Variants in IGFL4 observed in about 807,000 individuals in gnomAD.
The protein encoded by IGFL4 is IGF like family member 4.
Under a neutral mutation model 15.4 loss-of-function variants are expected in IGFL4, and 12 were observed. The observed-to-expected ratio is 0.78, with a 90% CI of 0.50 to 1.26. The LOEUF (loss-of-function observed/expected upper bound fraction) is 1.26. IGFL4 is among the 50% of genes most tolerant of loss of function. IGFL4 has a pLI of 0.00. For synonymous variants in IGFL4, 54 were observed against 55.9 expected (o/e 0.97, Z 0.16); for missense variants, 126 against 147.8 (o/e 0.85, Z 0.76).
intron 1 of IGFL4, among the ~76,000 whole-genome samples, chr19:46,072,264 G>T (rs1197900959): frequency 6.6e-6 from 1 of 152,172 alleles, no homozygotes; most frequent in Non-Finnish European, 1.5e-5. Context: ...AGTGCAAGTA[G>T]CAAGGATCTG....
chr19:46,055,057 G>C (rs1969380566), intron 2 of IGFL4, among the ~76,000 whole-genome samples: 2 of 152,036 alleles, frequency 1.3e-5, no homozygotes, highest in Admixed American at 1.3e-4. Context: ...CTCTCAAAAG[G>C]GAAATGAAGA....
chr19:46,067,921 C>G (rs1173617235), intron 1 of IGFL4, among the ~76,000 whole-genome samples: 1 of 152,114 alleles, frequency 6.6e-6, no homozygotes, highest in African/African-American at 2.4e-5. Flanking sequence ...CTCCTATGCT[C>G]CACTTCCAGC....
At chr19:46,056,856 A>G (rs1969397820) in intron 2 of IGFL4, among the ~76,000 whole-genome samples, 1 of 152,198 alleles carries the variant, frequency 6.6e-6, no homozygotes, top group Admixed American at 6.5e-5. Context: ...TCCCTGTAGG[A>G]TCTCACCGAA....
At chr19:46,073,691 A>G (rs1363416616) in intron 1 of IGFL4, among the ~76,000 whole-genome samples, 1 of 152,152 alleles carries the variant, frequency 6.6e-6, no homozygotes, top group Non-Finnish European at 1.5e-5. Flanking sequence ...CTGACAGAGA[A>G]TCATTCTGGG....
At chr19:46,052,868 T>TG (rs1490115957) in intron 2 of IGFL4, among the ~76,000 whole-genome samples, 7 of 148,920 alleles carry the variant, frequency 4.7e-5, no homozygotes, top group Admixed American at 2.7e-4. Flanking sequence ...GTTATCTCGT[T>TG]TTTTTTTTTT....
chr19:46,070,181 G>A (rs2146529012), intron 1 of IGFL4, among the ~76,000 whole-genome samples: 1 of 151,790 alleles, frequency 6.6e-6, no homozygotes, highest in Non-Finnish European at 1.5e-5. Flanking sequence ...AAAACTTGAG[G>A]AATGCATGTG....
intron 1 of IGFL4, among the ~76,000 whole-genome samples, chr19:46,072,070 A>G (rs574000633): frequency 1.0e-3 from 159 of 152,346 alleles, no homozygotes; most frequent in African/African-American, 3.6e-3. Context: ...ACAGCCATTA[A>G]GGGCAGTGAC....
intron 2 of IGFL4, among the ~76,000 whole-genome samples, chr19:46,052,172 G>A: frequency 6.6e-6 from 1 of 152,268 alleles, no homozygotes; most frequent in East Asian, 1.9e-4. Flanking sequence ...TGCAACGACT[G>A]CAGGGTATAC....
chr19:46,060,060 A>C (rs1969430056), intron 2 of IGFL4: 1 of 152,256 alleles, frequency 6.6e-6, no homozygotes, highest in African/African-American at 2.4e-5. Context: ...AAAGGAAAAC[A>C]TACCATTCCA....
At position 46,040,088 on chromosome 19, in the gene IGFL4, G is replaced by T; in HGVS notation, c.330+69C>A. 6.3e-7 allele frequency: 1 copy of T among 1,582,256 alleles called. No homozygotes were observed. The highest frequency in any genetic ancestry group is 8.7e-7 in the Non-Finnish European group (1 of 1,153,804). ...CCAGCAGAGACTGCACATCTGGGTG[G>T]GACATGGACAACCAAGCTCCATTCC... On this transcript the variant is annotated intron_variant, in intron 3 of 3. Transcript: ENST00000377697. The surrounding 1 kb of genome is among the most constrained non-coding windows in gnomAD (Gnocchi z 4.1).
chr19:46,041,340 A>C (rs571818776), upstream of IGFL4, among the ~76,000 whole-genome samples: 1 of 152,122 alleles, frequency 6.6e-6, no homozygotes, highest in African/African-American at 2.4e-5. Context: ...CTCACCAAAC[A>C]CCGGCTGTCT....
chr19:46,076,977 C>G (rs1179320106), intron 1 of IGFL4: 2 of 152,164 alleles, frequency 1.3e-5, no homozygotes, highest in Non-Finnish European at 2.9e-5. Context: ...CTCAAAGGCC[C>G]CCTTTGGCTT....
Position 46,039,905 on chromosome 19 carries a change from G to A in IGFL4, c.362C>T (p.Ser121Phe). 6.2e-7 allele frequency: 1 copy of A among 1,612,956 alleles called. No homozygotes were observed. The highest frequency in any genetic ancestry group is 1.1e-5 in the South Asian group (1 of 91,066). The part of the protein sequence containing the change: ...EYHPKSPVSR[S>F]DLI ...CCCCAGAACAGTCTAGATGAGGTCA[G>A]ATCTTGACACAGGGCTTTTTGGGTG... Residue 121 changes from serine (S) to phenylalanine (F), a missense_variant, in exon 4 of 4, where the codon TCT (serine) becomes TTT (phenylalanine). Transcript: ENST00000377697.
At chr19:46,073,302 A>C (rs1252178295) in intron 1 of IGFL4, among the ~76,000 whole-genome samples, 7 of 152,208 alleles carry the variant, frequency 4.6e-5, no homozygotes. Context: ...CACTCACTAA[A>C]GATATGATCA....
chr19:46,052,966 GAA>G (rs71175255), intron 2 of IGFL4, among the ~76,000 whole-genome samples: 5,136 of 112,428 alleles, frequency 0.046, 305 homozygotes, highest in African/African-American at 0.16. Flanking sequence ...AGTCAGAAAA[GAA>G]AAAAAAAAAA....
intron 1 of IGFL4, among the ~76,000 whole-genome samples, chr19:46,061,137 G>A (rs1253614460): frequency 1.3e-5 from 2 of 152,078 alleles, no homozygotes; most frequent in Non-Finnish European, 2.9e-5. Flanking sequence ...TTCATAACTT[G>A]CTTAAACCTT....
chr19:46,068,914 C>G (rs1355364454), intron 1 of IGFL4, among the ~76,000 whole-genome samples: 1 of 152,182 alleles, frequency 6.6e-6, no homozygotes, highest in Non-Finnish European at 1.5e-5. Context: ...GACTTAAGTT[C>G]TCACCAAGTG....
intron 1 of IGFL4, chr19:46,060,395 G>A (rs8101445): frequency 0.52 from 79,781 of 151,982 alleles, 21,325 homozygotes; most frequent in Non-Finnish European, 0.55. Context: ...CTTCTGTTCT[G>A]TTTGATATTC....
intron 1 of IGFL4, among the ~76,000 whole-genome samples, chr19:46,065,151 TC>T (rs1253906246): frequency 6.6e-6 from 1 of 152,198 alleles, no homozygotes; most frequent in Non-Finnish European, 1.5e-5. Flanking sequence ...TATATTTTTT[TC>T]CTATAGAGTT....
Sources: gnomAD v4.1 joint callset for allele counts (sites outside exome capture counted in the v4.1 genomes callset) on GRCh38, gnomAD v4.1.1 for gene constraint, Gnocchi (gnomAD v3.1) non-coding constraint, MANE v1.5 for transcripts, NCBI Gene and HGNC (gene_info 2026-07-23, HGNC 2026-07-21) for gene names.